The following FBLN1 variants were observed in gnomAD, a reference collection of about 807,000 sequenced individuals.
FBLN1 encodes fibulin 1.
Under a neutral mutation model 89.7 loss-of-function variants are expected in FBLN1, and 34 were observed. The observed-to-expected ratio is 0.38, with a 90% confidence interval of 0.29 to 0.50. The LOEUF (loss-of-function observed/expected upper bound fraction) is 0.50. FBLN1 is among the 20% of genes least tolerant of loss of function. FBLN1 has a pLI of 0.92. For missense variants in FBLN1, 777 were observed against 988.1 expected (o/e 0.79, Z 2.86); for synonymous variants, 393 against 391.3 (o/e 1.00, Z -0.05).
rs2088397821 is a variant in FBLN1 at position 45,530,930 on chromosome 22, A to G, written c.485-335A>G. ...AGGTGCATGCCGCTACACCTGGCTA[A>G]TTTTTGTATTTTTAGTAGAGACAGC... is the stretch of plus-strand genomic sequence containing the variant. On this transcript the variant is annotated intron_variant, in intron 4 of 16. Coordinates refer to ENST00000327858, the MANE Select transcript of FBLN1 (RefSeq NM_006486.3). The surrounding 1 kb of genome is among the most constrained non-coding windows in gnomAD (Gnocchi z 5.4). 6.6e-6 allele frequency among the ~76,000 whole-genome samples: 1 copy of G among 151,966 alleles called. No homozygotes were observed. The highest frequency in any genetic ancestry group is 2.1e-4 in the South Asian group (1 of 4,812).
intron 16 of FBLN1, among the ~76,000 whole-genome samples, chr22:45,587,260 G>A (rs1458825384): frequency 1.3e-5 from 2 of 150,416 alleles, no homozygotes; most frequent in Non-Finnish European, 3.0e-5. Flanking sequence ...ATCCATCCCC[G>A]CTGCCCGGCC....
intron 16 of FBLN1, among the ~76,000 whole-genome samples, 177 bp from the exon 17 acceptor site, chr22:45,600,130 G>A (rs1569271831): frequency 6.6e-6 from 1 of 152,246 alleles, no homozygotes; most frequent in Non-Finnish European, 1.5e-5. Context: ...CAGAGCCTGA[G>A]CTGACCACTT....
Position 45,549,134 on chromosome 22 carries a change from A to G in FBLN1, c.1573+390A>G, listed in dbSNP as rs1166289018. Among the ~76,000 whole-genome samples the G allele has an allele frequency of 2.0e-5, 3 of 152,176 alleles. No homozygotes were observed. The highest frequency in any genetic ancestry group is 2.4e-5 in the African/African-American group (1 of 41,442). ...GCCTGGTGTGGGATGGCCCAGGGAT[A>G]CTCATGGCTATGGGTCAGCTCCAGC... On this transcript the variant is annotated intron_variant, in intron 13 of 16. Coordinates refer to ENST00000327858, the MANE Select transcript of FBLN1 (RefSeq NM_006486.3). The surrounding 1 kb of genome is among the most constrained non-coding windows in gnomAD (Gnocchi z 5.7).
rs763992197 is a variant in FBLN1, at chr22:45,535,436, C to T, written c.922+99C>T. On this transcript the variant is annotated intron_variant, in intron 8 of 16. Coordinates refer to ENST00000327858, the MANE Select transcript of FBLN1 (RefSeq NM_006486.3). Reference sequence around the variant, plus strand: ...AGAATCTGCGGGGCCGCATGGTATACAGAACAGGGGTTGGCAAACTTTTTG... The same window carrying T: ...AGAATCTGCGGGGCCGCATGGTATATAGAACAGGGGTTGGCAAACTTTTTG... 4.7e-6 allele frequency: 7 copies of T among 1,473,862 alleles called. No individual in the cohort carries two copies. The South Asian group carries it at 8.3e-5, about 18-fold the overall frequency. 91.3% of individuals were successfully genotyped at this position (1,473,862 alleles called of 1,614,324 possible).
intron 2 of FBLN1, chr22:45,523,015 G>T (rs2088271118): frequency 1.6e-6 from 1 of 611,782 alleles, no homozygotes; most frequent in Admixed American, 2.5e-5. Context: ...CTGATGGTTT[G>T]TAGGAAGGCA....
chr22:45,502,973 T>C lies in FBLN1; in HGVS notation c.-13T>C, dbSNP rs1042898210. On this transcript the variant is annotated 5_prime_UTR_variant, in exon 1 of 17. Coordinates refer to ENST00000327858, the MANE Select transcript of FBLN1 (RefSeq NM_006486.3). ...TTTGTCCGCCGCCGCCCACCGCCCG[T>C]CGCCCGCCGCCCATGGAGCGCGCCG... is the stretch of plus-strand genomic sequence containing the variant. The C allele has an allele frequency of 8.9e-5, 103 of 1,162,682 alleles. No individual in the cohort carries two copies. The African/African-American group carries it at 1.6e-3, about 18-fold the overall frequency. 72.0% of individuals were successfully genotyped at this position (1,162,682 alleles called of 1,614,324 possible). A position where few individuals can be genotyped will look rare whatever the true frequency, so the allele number is the denominator to read the frequency against.
chr22:45,511,617 T>C (rs2088102070), intron 1 of FBLN1, among the ~76,000 whole-genome samples: 4 of 152,054 alleles, frequency 2.6e-5, no homozygotes, highest in Admixed American at 2.6e-4. Context: ...CAGCTAATTT[T>C]TGTATTTTTA....
chr22:45,520,062 C>T (rs933255884), intron 2 of FBLN1, among the ~76,000 whole-genome samples: 7 of 151,456 alleles, frequency 4.6e-5, no homozygotes, highest in African/African-American at 1.5e-4. Context: ...CCCAGCTACT[C>T]GGGAGGCTGA....
At position 45,562,659 on chromosome 22, in the gene FBLN1, G is replaced by A. The variant is rs866742669; in HGVS notation, c.1698-11852G>A. 3.9e-5 allele frequency among the ~76,000 whole-genome samples: 6 copies of A among 152,218 alleles called. No homozygotes were observed. Among genetic ancestry groups the A allele is most frequent in the Non-Finnish European group, 7.4e-5 (5 of 68,026 alleles). On this transcript the variant is annotated intron_variant, in intron 14 of 16. Coordinates refer to ENST00000327858, the MANE Select transcript of FBLN1 (RefSeq NM_006486.3). This position sits in a 1 kb window ranked among gnomAD's most constrained non-coding sequence, Gnocchi z 7.8. ...GTGAGCAGGGGACGCACCTCACTCCGGGCACAGCCTTTGGCCCCCGGCCAC... is the reference window on the plus strand; with the variant it reads ...GTGAGCAGGGGACGCACCTCACTCCAGGCACAGCCTTTGGCCCCCGGCCAC...
In FBLN1 at chr22:45,588,066, A is replaced by G. The variant is rs979755826; in HGVS notation, c.1972+10958A>G. On this transcript the variant is annotated intron_variant, in intron 16 of 16. Transcript: ENST00000327858. This position sits in a 1 kb window ranked among gnomAD's most constrained non-coding sequence, Gnocchi z 5.1. ...TACACTTTTTATCCCAGAGGGTAGGAGTACACGAGAAACAAGCATAATATA... is the reference window on the plus strand; with the variant it reads ...TACACTTTTTATCCCAGAGGGTAGGGGTACACGAGAAACAAGCATAATATA... 2.0e-5 allele frequency among the ~76,000 whole-genome samples: 3 copies of G among 152,220 alleles called. No individual in the cohort carries two copies. The highest frequency in any genetic ancestry group is 4.4e-5 in the Non-Finnish European group (3 of 68,048).
intron 1 of FBLN1, among the ~76,000 whole-genome samples, chr22:45,515,622 G>T (rs552754462): frequency 6.6e-6 from 1 of 152,304 alleles, no homozygotes; most frequent in East Asian, 1.9e-4. Flanking sequence ...ACCTGCGGGG[G>T]ATTCCGCACA....
At chr22:45,516,278 G>A (rs2146947228) in intron 1 of FBLN1, among the ~76,000 whole-genome samples, 1 of 152,092 alleles carries the variant, frequency 6.6e-6, no homozygotes, top group Middle Eastern at 3.4e-3. Context: ...GGGGTTGGCT[G>A]CAGAAAGGGT....
At chr22:45,596,574 A>G (rs1311529256) in intron 16 of FBLN1, among the ~76,000 whole-genome samples, 3 of 145,884 alleles carry the variant, frequency 2.1e-5, no homozygotes, top group Admixed American at 6.8e-5. Flanking sequence ...TGATAATTAT[A>G]TATACATATA....
intron 14 of FBLN1, among the ~76,000 whole-genome samples, chr22:45,559,418 C>T (rs550949298): frequency 5.9e-5 from 9 of 152,298 alleles, no homozygotes; most frequent in Non-Finnish European, 1.0e-4. Flanking sequence ...TCCGGGAATA[C>T]GATATTGTTT....
chr22:45,600,536 CT>C lies in FBLN1; in HGVS notation c.*96del. ...GTCTGTACTTGTTTATACCCTCAGACTTTTTTAATGTTAGGTATTTGTAGCA... is the reference window on the plus strand; with the variant it reads ...GTCTGTACTTGTTTATACCCTCAGACTTTTTAATGTTAGGTATTTGTAGCA... On this transcript the variant is annotated 3_prime_UTR_variant, in exon 17 of 17. Coordinates refer to ENST00000327858, the MANE Select transcript of FBLN1 (RefSeq NM_006486.3). 3 of 1,467,534 alleles carry C rather than the reference CT, an allele frequency of 2.0e-6. No individual in the cohort carries two copies. The highest frequency in any genetic ancestry group is 1.7e-5 in the Admixed American group (1 of 59,824). The allele number at this position is 1,467,534 out of a possible 1,614,324, so 90.9% of individuals were successfully genotyped here.
intron 4 of FBLN1, among the ~76,000 whole-genome samples, chr22:45,529,381 G>A (rs1370773981): frequency 1.3e-5 from 2 of 152,240 alleles, no homozygotes; most frequent in East Asian, 3.8e-4. Context: ...CTGCATTTCT[G>A]TGTGGTTCAG....
At chr22:45,523,099 G>C in intron 2 of FBLN1, 2 of 772,900 alleles carry the variant, frequency 2.6e-6, no homozygotes, top group East Asian at 4.9e-5. Context: ...AGAGCCGTGG[G>C]GTTGGCCTCA....
At chr22:45,571,180 C>CAA (rs1192730262) in intron 14 of FBLN1, among the ~76,000 whole-genome samples, 5 of 117,732 alleles carry the variant, frequency 4.2e-5, no homozygotes, top group Non-Finnish European at 9.3e-5. Flanking sequence ...AACATTTAAA[C>CAA]AAAAACAGTA....
intron 4 of FBLN1, 79 bp downstream of exon 4, chr22:45,528,088 A>C: frequency 1.3e-6 from 2 of 1,533,762 alleles, no homozygotes; most frequent in Non-Finnish European, 1.8e-6. Context: ...GAGTGGAGAG[A>C]GAGAGATTTT....
Sources: allele counts gnomAD v4.1 joint callset (sites outside exome capture counted in the v4.1 genomes callset), GRCh38; gene constraint gnomAD v4.1.1; non-coding constraint Gnocchi (gnomAD v3.1); transcripts MANE v1.5; gene names NCBI Gene and HGNC (gene_info 2026-07-23, HGNC 2026-07-21).